Variants in TTPA observed in about 807,000 individuals in gnomAD.
The protein encoded by TTPA is alpha-tocopherol transfer protein.
Under a neutral mutation model 25.9 loss-of-function variants are expected in TTPA, and 23 were observed. The observed-to-expected ratio is 0.89, with a 90% CI of 0.64 to 1.26. The LOEUF is 1.26. Ranked by LOEUF, TTPA falls within the 50% of genes most tolerant of loss-of-function variation. The pLI is 0.00. For missense variants in TTPA, 337 were observed against 353.1 expected (o/e 0.95, Z 0.37); for synonymous variants, 148 against 137.3 (o/e 1.08, Z -0.54).
At chr8:63,082,459 A>C (rs1805679021) in intron 1 of TTPA, among the ~76,000 whole-genome samples, 1 of 152,194 alleles carries the variant, frequency 6.6e-6, no homozygotes, top group Non-Finnish European at 1.5e-5. Context: ...CTGAAACTGG[A>C]TCCCTTCCTT....
intron 1 of TTPA, among the ~76,000 whole-genome samples, chr8:63,073,791 T>C (rs1805518315): frequency 6.6e-6 from 1 of 152,138 alleles, no homozygotes. Context: ...TTTTTTGAAA[T>C]AAGGAAGTAT....
chr8:63,082,701 A>G (rs1219127721), intron 1 of TTPA, among the ~76,000 whole-genome samples: 1 of 152,230 alleles, frequency 6.6e-6, no homozygotes, highest in Non-Finnish European at 1.5e-5. Context: ...CAGAATGAAG[A>G]GGCAACCTAC....
intron 2 of TTPA, among the ~76,000 whole-genome samples, chr8:63,069,489 T>C (rs1805449024): frequency 6.6e-6 from 1 of 151,764 alleles, no homozygotes; most frequent in Non-Finnish European, 1.5e-5. Flanking sequence ...CAGCACTTTG[T>C]GGGTCTGATG....
rs1324413533 is a variant in TTPA at position 63,079,494 on chromosome 8, T to C, written c.204+6324A>G. 9.9e-5 allele frequency among the ~76,000 whole-genome samples: 15 copies of C among 150,874 alleles called. No individual in the cohort carries two copies. In the South Asian group the frequency reaches 2.7e-3, roughly 27 times the overall value. ...AATGGAGGAATATCTACCAAGCAAA[T>C]GGAAAGCAAAAAAAAAGCAGGGGTT... On this transcript the variant is annotated intron_variant, in intron 1 of 4. Transcript: ENST00000260116.
intron 2 of TTPA, among the ~76,000 whole-genome samples, chr8:63,070,994 A>AAG (rs1554523911): frequency 1.1e-5 from 1 of 94,736 alleles, no homozygotes; most frequent in African/African-American, 5.7e-5. Flanking sequence ...CTGAAATTCA[A>AAG]ATAACTGGGC....
At position 63,081,301 on chromosome 8, in the gene TTPA, G is replaced by C. The variant is rs1585695998; in HGVS notation, c.204+4517C>G. 1.1e-4 allele frequency among the ~76,000 whole-genome samples: 16 copies of C among 152,118 alleles called. 1 individual carries two copies. Among genetic ancestry groups the C allele is most frequent in the Admixed American group, 1.0e-3 (16 of 15,272 alleles). ...CAAAAAGCTTATCCACCAAGATCAA[G>C]TTGGCTTCATCCCTGGAATGCAAGC... On this transcript the variant is annotated intron_variant, in intron 1 of 4. Transcript: ENST00000260116.
intron 2 of TTPA, among the ~76,000 whole-genome samples, chr8:63,070,982 A>T (rs1234329731): frequency 1.0e-5 from 1 of 99,920 alleles, no homozygotes; most frequent in Non-Finnish European, 1.9e-5. Context: ...ACTGTTGTTT[A>T]TCTGAAATTC....
chr8:63,073,036 T>G lies in TTPA; in HGVS notation c.257A>C (p.Asp86Ala). Residue 86 changes from aspartate (D) to alanine (A), a missense_variant, in exon 2 of 5, where the codon GAT becomes GCT. Physicochemically the swap from Asp to Ala is moderately radical, Grantham distance 126. Coordinates refer to ENST00000260116, the MANE Select transcript of TTPA (RefSeq NM_000370.3). ...GCCAATAATACTTCTAGGGTGTAGA[T>G]CTGCACTTATTTCTGGACATTCTGC... ...WRAECPEISA[D>A]LHPRSIIGLL... is the part of the protein sequence containing the mutation. 2 of 1,613,690 alleles carry G rather than the reference T, an allele frequency of 1.2e-6. No individual in the cohort carries two copies. Among genetic ancestry groups the G allele is most frequent in the Non-Finnish European group, 1.7e-6 (2 of 1,179,662 alleles).
intron 3 of TTPA, among the ~76,000 whole-genome samples, chr8:63,064,597 A>G (rs539787197): frequency 6.6e-6 from 1 of 152,314 alleles, no homozygotes; most frequent in African/African-American, 2.4e-5. Context: ...CCCATCACAT[A>G]TAGATGTTCT....
chr8:63,072,493 C>A (rs1805498199), intron 2 of TTPA, among the ~76,000 whole-genome samples: 1 of 152,214 alleles, frequency 6.6e-6, no homozygotes, highest in Non-Finnish European at 1.5e-5. Context: ...GAACTCCTGA[C>A]CTCAGCTGGG....
Position 63,069,616 on chromosome 8 carries a change from T to A in TTPA, c.358+3319A>T, listed in dbSNP as rs114535756. 9.0e-3 allele frequency among the ~76,000 whole-genome samples: 1,366 copies of A among 151,986 alleles called. 24 individuals carry two copies. The highest frequency in any genetic ancestry group is 0.031 in the African/African-American group (1,265 of 41,436). Reference sequence around the variant, plus strand: ...TGAGTGTGGTAGCACATGCCTCTAGTCCCAGCTACTCCAAAAGCCGAAGTG... The same window carrying A: ...TGAGTGTGGTAGCACATGCCTCTAGACCCAGCTACTCCAAAAGCCGAAGTG... On this transcript the variant is annotated intron_variant, in intron 2 of 4. Transcript: ENST00000260116.
Position 63,062,923 on chromosome 8 carries a change from C to T in TTPA, c.663+1283G>A, listed in dbSNP as rs1805330485. ...AACAAAATTGATTTGTATAAAAATA[C>T]TAGAATGAAAAGTAGCTGAAAGTGG... On this transcript the variant is annotated intron_variant, in intron 4 of 4. Transcript: ENST00000260116. Among the ~76,000 whole-genome samples, 3 of 152,062 alleles carry T rather than the reference C, an allele frequency of 2.0e-5. No individual in the cohort carries two copies. The South Asian group carries it at 6.2e-4, about 32-fold the overall frequency.
intron 2 of TTPA, among the ~76,000 whole-genome samples, chr8:63,068,974 G>A (rs1193775149): frequency 6.6e-6 from 1 of 151,934 alleles, no homozygotes; most frequent in Non-Finnish European, 1.5e-5. Context: ...GGCCAGCATG[G>A]TGAAACTTCA....
At chr8:63,078,849 ACTC>A (rs1343801753) in intron 1 of TTPA, among the ~76,000 whole-genome samples, 1 of 152,060 alleles carries the variant, frequency 6.6e-6, no homozygotes, top group Non-Finnish European at 1.5e-5. Flanking sequence ...CCACAAAGAT[ACTC>A]CTCGAGAAGA....
intron 1 of TTPA, among the ~76,000 whole-genome samples, chr8:63,073,956 C>A (rs1251160076): frequency 6.6e-6 from 1 of 152,056 alleles, no homozygotes; most frequent in East Asian, 1.9e-4. Context: ...ACACTACCAG[C>A]ATATTGTGGA....
intron 1 of TTPA, among the ~76,000 whole-genome samples, chr8:63,076,983 C>G (rs1181552594): frequency 1.3e-5 from 2 of 151,686 alleles, no homozygotes; most frequent in Non-Finnish European, 2.9e-5. Context: ...AAATTTTGGA[C>G]AAGAGAAGAG....
chr8:63,064,127 A>C (rs75415073), intron 4 of TTPA, 79 bp downstream of exon 4: 1 of 1,022,624 alleles, frequency 9.8e-7, no homozygotes, highest in South Asian at 1.4e-5. Context: ...ACGAGGAAAG[A>C]TGATAAAGCA....
chr8:63,061,458 G>T (rs34766023), intron 4 of TTPA, 33 bp from the exon 5 acceptor site: 1 of 1,593,434 alleles, frequency 6.3e-7, no homozygotes, highest in Non-Finnish European at 8.6e-7. Flanking sequence ...GAAGGAAACC[G>T]CATTAGATGC....
intron 1 of TTPA, among the ~76,000 whole-genome samples, chr8:63,075,975 A>G (rs1805556641): frequency 6.6e-6 from 1 of 152,224 alleles, no homozygotes; most frequent in African/African-American, 2.4e-5. Flanking sequence ...GGAATTCATG[A>G]GACTATGTAG....
Sources: gnomAD v4.1 joint callset for allele counts (sites outside exome capture counted in the v4.1 genomes callset) on GRCh38, gnomAD v4.1.1 for gene constraint, MANE v1.5 for transcripts, NCBI Gene and HGNC (gene_info 2026-07-23, HGNC 2026-07-21) for gene names.